Variants in ALDH1A2 observed in about 807,000 individuals in gnomAD.
ALDH1A2 encodes the protein aldehyde dehydrogenase 1 family member A2, also known as retinal dehydrogenase 2.
In ALDH1A2, 27 loss-of-function variants were observed where a neutral mutation model predicts 60.3. The observed-to-expected ratio is 0.45, with a 90% CI of 0.33 to 0.62. The LOEUF (loss-of-function observed/expected upper bound fraction) is 0.62. ALDH1A2 is among the 20% of genes least tolerant of loss of function. ALDH1A2 has a pLI of 0.02. For synonymous variants in ALDH1A2, 289 were observed against 232.4 expected, an observed-to-expected ratio of 1.24 and a Z score of -2.21; for missense variants, 581 against 643.8, an observed-to-expected ratio of 0.90 and a Z score of 1.06.
At position 57,993,091 on chromosome 15, in the gene ALDH1A2, A is replaced by G. The variant is rs1894948660; in HGVS notation, c.556-18T>C. The G allele has an allele frequency of 3.7e-6, 6 of 1,610,984 alleles. No homozygotes were observed. The highest frequency in any genetic ancestry group is 4.2e-6 in the Non-Finnish European group (5 of 1,179,822). On this transcript the variant is annotated intron_variant, in intron 5 of 12. Transcript: ENST00000249750. ...AAGTTCCACTGAAAGGAAAAAACTC[A>G]AAGTTGATAGATGGAAAAACATTCT...
intron 1 of ALDH1A2, among the ~76,000 whole-genome samples, chr15:58,062,999 C>T (rs1325655755): frequency 6.6e-6 from 1 of 152,150 alleles, no homozygotes; most frequent in Non-Finnish European, 1.5e-5. Flanking sequence ...TGGTCATCTC[C>T]CCCATTCCCT....
intron 1 of ALDH1A2, among the ~76,000 whole-genome samples, chr15:58,046,493 T>C (rs1231506915): frequency 6.6e-6 from 1 of 152,026 alleles, no homozygotes; most frequent in Non-Finnish European, 1.5e-5. Flanking sequence ...TATTCCTTCA[T>C]CTTCCTCATA....
At position 57,982,313 on chromosome 15, in the gene ALDH1A2, T is replaced by A. The variant is rs1269051823; in HGVS notation, c.798+10392A>T. ...AATCCACTCAAGTATAATAGATGTT[T>A]AAGTTGTCTAGTTTTCTGATATGAC... is the stretch of plus-strand genomic sequence containing the variant. On this transcript the variant is annotated intron_variant, in intron 7 of 12. Transcript: ENST00000249750. Among the ~76,000 whole-genome samples, 3 of 152,194 alleles carry A rather than the reference T, an allele frequency of 2.0e-5. No individual in the cohort carries two copies. The East Asian group carries it at 5.8e-4, about 29-fold the overall frequency.
chr15:57,965,033 T>C (rs1893847816), intron 8 of ALDH1A2, among the ~76,000 whole-genome samples: 1 of 151,574 alleles, frequency 6.6e-6, no homozygotes, highest in South Asian at 2.1e-4. Flanking sequence ...AAAGAATCAC[T>C]GAATGAGATG....
intron 4 of ALDH1A2, among the ~76,000 whole-genome samples, chr15:57,995,696 G>C (rs1316888876): frequency 6.6e-6 from 1 of 152,064 alleles, no homozygotes; most frequent in Non-Finnish European, 1.5e-5. Context: ...GCTATTTAAA[G>C]AAGGTAAAAG....
intron 3 of ALDH1A2, among the ~76,000 whole-genome samples, chr15:58,013,075 C>A (rs1309416631): frequency 6.6e-6 from 1 of 152,148 alleles, no homozygotes; most frequent in African/African-American, 2.4e-5. Flanking sequence ...TGAGGAAAAT[C>A]ATTGTTTTAG....
intron 5 of ALDH1A2, among the ~76,000 whole-genome samples, chr15:57,993,724 TAA>T (rs1197130523): frequency 6.6e-6 from 1 of 152,234 alleles, no homozygotes; most frequent in Non-Finnish European, 1.5e-5. Context: ...AAACTGATTT[TAA>T]AAAGATATTA....
At chr15:57,963,820 A>G in intron 9 of ALDH1A2, 65 bp downstream of exon 9, 1 of 1,552,488 alleles carries the variant, frequency 6.4e-7, no homozygotes, top group Non-Finnish European at 8.9e-7. Flanking sequence ...GACCTACTAC[A>G]GTGTACACAG....
intron 7 of ALDH1A2, chr15:57,980,519 C>T (rs552024448): frequency 3.4e-4 from 92 of 269,016 alleles, no homozygotes; most frequent in Admixed American, 2.3e-4. Context: ...AATGGAGATG[C>T]AGGTGAGTCC....
At chr15:58,057,540 C>T (rs1259692496) in intron 1 of ALDH1A2, among the ~76,000 whole-genome samples, 1 of 152,166 alleles carries the variant, frequency 6.6e-6, no homozygotes, top group African/African-American at 2.4e-5. Flanking sequence ...TACAGGTACA[C>T]ACATTTGTTA....
chr15:57,958,165 A>G (rs758608689), intron 12 of ALDH1A2, among the ~76,000 whole-genome samples: 1 of 152,036 alleles, frequency 6.6e-6, no homozygotes, highest in African/African-American at 2.4e-5. Flanking sequence ...TAACAAAACC[A>G]TCACCCAGAC....
chr15:57,960,114 T>C (rs1329917649), intron 12 of ALDH1A2, among the ~76,000 whole-genome samples: 1 of 152,226 alleles, frequency 6.6e-6, no homozygotes, highest in African/African-American at 2.4e-5. Flanking sequence ...AGCTCCTCCA[T>C]TGGTTTACAG....
At chr15:58,023,659 A>G (rs545988112) in intron 1 of ALDH1A2, among the ~76,000 whole-genome samples, 32 of 49,278 alleles carry the variant, frequency 6.5e-4, no homozygotes, top group Non-Finnish European at 8.8e-4. Context: ...AAGTGCTGGG[A>G]AAAAAAAAAA....
Position 57,954,292 on chromosome 15 carries a change from G to C in ALDH1A2, c.*905C>G, listed in dbSNP as rs1445290802. ...TAATTGTTGCCCAATATTAGAAACT[G>C]AATGATGTCTGCAAGGCATCCAGCA... On this transcript the variant is annotated 3_prime_UTR_variant, in exon 13 of 13. Transcript: ENST00000249750. 6.6e-6 allele frequency: 1 copy of C among 152,602 alleles called. No individual in the cohort carries two copies. The highest frequency in any genetic ancestry group is 6.5e-5 in the Admixed American group (1 of 15,288). 9.5% of individuals were successfully genotyped at this position (152,602 alleles called of 1,614,324 possible).
chr15:57,968,817 A>T (rs1399664628), intron 7 of ALDH1A2, among the ~76,000 whole-genome samples: 1 of 152,130 alleles, frequency 6.6e-6, no homozygotes, highest in Non-Finnish European at 1.5e-5. Context: ...AGAGGTTGAT[A>T]TTTTTTTGCC....
At chr15:57,977,147 A>G (rs866490612) in intron 7 of ALDH1A2, among the ~76,000 whole-genome samples, 25 of 150,056 alleles carry the variant, frequency 1.7e-4, no homozygotes, top group African/African-American at 5.9e-4. Flanking sequence ...GAGTCTGGAT[A>G]TTAGCCCTTT....
chr15:57,971,030 G>A (rs574147970), intron 7 of ALDH1A2, among the ~76,000 whole-genome samples: 2 of 152,256 alleles, frequency 1.3e-5, no homozygotes, highest in South Asian at 2.1e-4. Flanking sequence ...TCCTTTAAGT[G>A]GTAACAGCAG....
At chr15:57,989,195 T>A (rs1450835663) in intron 7 of ALDH1A2, among the ~76,000 whole-genome samples, 1 of 152,272 alleles carries the variant, frequency 6.6e-6, no homozygotes, top group East Asian at 1.9e-4. Context: ...AAGAAAACAT[T>A]AAATGCTAGA....
chr15:58,051,164 C>A (rs540191195), intron 1 of ALDH1A2, among the ~76,000 whole-genome samples: 1 of 152,116 alleles, frequency 6.6e-6, no homozygotes, highest in South Asian at 2.1e-4. Flanking sequence ...TTAAATTATT[C>A]CTTAAATGTG....
Sources: allele counts gnomAD v4.1 joint callset (sites outside exome capture counted in the v4.1 genomes callset), GRCh38; gene constraint gnomAD v4.1.1; transcripts MANE v1.5; gene names NCBI Gene and HGNC (gene_info 2026-07-23, HGNC 2026-07-21).